SF3B4: variants seen among roughly 807,000 people sequenced by gnomAD.
SF3B4 encodes the protein SAP 49.
SF3B4 carries 3 observed loss-of-function variants against 34.3 expected under a neutral mutation model. The ratio of observed to expected loss-of-function variants is 0.09; its 90% CI spans 0.04 to 0.23. The LOEUF (loss-of-function observed/expected upper bound fraction) is 0.23. Ranked by LOEUF, SF3B4 falls within the 10% of genes least tolerant of loss-of-function variation. SF3B4 has a pLI of 1.00. For missense variants in SF3B4, 283 were observed against 567.2 expected (o/e 0.50, Z 5.09); for synonymous variants, 216 against 207.8 (o/e 1.04, Z -0.34).
At position 149,926,163 on chromosome 1, in the gene SF3B4, T is replaced by C; in HGVS notation, c.707-121A>G. On this transcript the variant is annotated intron_variant, in intron 3 of 5. Coordinates refer to ENST00000271628, the MANE Select transcript of SF3B4 (RefSeq NM_005850.5). The surrounding 1 kb of genome is among the most constrained non-coding windows in gnomAD (Gnocchi z 6.2). ...CTCTTTCCCCCTCCTCCCAGTGCTC[T>C]AAAATCAAAAGCAATGTTAGAAAAG... The C allele has an allele frequency of 4.3e-6, 3 of 699,726 alleles. No individual in the cohort carries two copies. The East Asian group carries it at 8.3e-5, about 19-fold the overall frequency. 43.3% of individuals were successfully genotyped at this position (699,726 alleles called of 1,614,324 possible).
Position 149,923,386 on chromosome 1 carries a change from T to C in SF3B4, c.*156A>G, listed in dbSNP as rs2092567157. The C allele has an allele frequency of 5.2e-6, 3 of 582,172 alleles. No homozygotes were observed. Among genetic ancestry groups the C allele is most frequent in the Non-Finnish European group, 9.0e-6 (3 of 334,856 alleles). The allele number at this position is 582,172 out of a possible 1,614,324, so 36.1% of individuals were successfully genotyped here. On this transcript the variant is annotated 3_prime_UTR_variant, in exon 6 of 6. Transcript: ENST00000271628. The stretch of plus-strand genomic sequence containing the variant: ...ACTCAGGACCAACATAAAAAAGAAA[T>C]ACCTCCTGTGGAAAAAGTTACATTA...
At position 149,927,135 on chromosome 1, in the gene SF3B4, G is replaced by A. The variant is rs1553766139; in HGVS notation, c.163+31C>T. The A allele has an allele frequency of 3.7e-6, 6 of 1,611,070 alleles. No homozygotes were observed. In the Admixed American group the frequency reaches 5.0e-5, roughly 13 times the overall value. On this transcript the variant is annotated intron_variant, in intron 2 of 5. Coordinates refer to ENST00000271628, the MANE Select transcript of SF3B4 (RefSeq NM_005850.5). Reference sequence around the variant, plus strand: ...GTTGTGAATACTGCTGGGACCCTCCGGGAGCAATTCGCCCCTTGTCATGTA... The same window carrying A: ...GTTGTGAATACTGCTGGGACCCTCCAGGAGCAATTCGCCCCTTGTCATGTA...
In SF3B4 at chr1:149,926,815, T is replaced by C; in HGVS notation, c.267A>G (p.Ala89=). The C allele has an allele frequency of 6.2e-7, 1 of 1,614,166 alleles. No homozygotes were observed. The part of the protein sequence containing the change: ...LYGKPIRVNK[A]SAHNKNLDVG... ...CATCCAGGTTTTTGTTGTGAGCTGATGCTTTGTTCACCCGTATTGGCTTCC... is the reference window on the plus strand; with the variant it reads ...CATCCAGGTTTTTGTTGTGAGCTGACGCTTTGTTCACCCGTATTGGCTTCC... The change falls in exon 3 of 6, where the codon GCA becomes GCG. Residue 89 remains alanine (A), a synonymous_variant. Coordinates refer to ENST00000271628, the MANE Select transcript of SF3B4 (RefSeq NM_005850.5). The surrounding 1 kb of genome is among the most constrained non-coding windows in gnomAD (Gnocchi z 6.2).
At chr1:149,927,120 C>T (rs200302531) in intron 2 of SF3B4, 46 bp downstream of exon 2, 3 of 1,607,780 alleles carry the variant, frequency 1.9e-6, no homozygotes, top group Non-Finnish European at 8.5e-7. Context: ...GTTGTGAATA[C>T]TGCTGGGACC....
chr1:149,925,857 G>C lies in SF3B4; in HGVS notation c.892C>G (p.Pro298Ala). 6.2e-7 allele frequency: 1 copy of C among 1,613,548 alleles called. No individual in the cohort carries two copies. Among genetic ancestry groups the C allele is most frequent in the Non-Finnish European group, 8.5e-7 (1 of 1,179,572 alleles). The change falls in exon 4 of 6, where the codon CCG becomes GCG. Residue 298 changes from proline (P) to alanine (A), a missense_variant. This residue lies in a region of SF3B4 where 208 missense variants were observed against 292.6 expected (regional missense o/e 0.71). Transcript: ENST00000271628. ...CTACCTGGATGGGGCATCCCACCCG[G>C]TGGGAATGGGTGAGGATGTGAGTGT... is the stretch of plus-strand genomic sequence containing the variant. ...HGHSHPHPFP[P>A]GGMPHPGMSQ...
rs782749826 is a variant in SF3B4 at position 149,926,942 on chromosome 1, T to A, written c.164-24A>T. On this transcript the variant is annotated intron_variant, in intron 2 of 5. Transcript: ENST00000271628. The surrounding 1 kb of genome is among the most constrained non-coding windows in gnomAD (Gnocchi z 6.2). ...GCCTGGAAAAGTGGAGAAGAGGAGG[T>A]TAACAACGTAAGTAAAGAGACTGAA... 3 of 1,575,492 alleles carry A rather than the reference T, an allele frequency of 1.9e-6. No individual in the cohort carries two copies. Among genetic ancestry groups the A allele is most frequent in the Non-Finnish European group, 1.7e-6 (2 of 1,162,512 alleles).
At position 149,926,563 on chromosome 1, in the gene SF3B4, G is replaced by C. The variant is rs143105666; in HGVS notation, c.519C>G (p.Thr173=). The C allele has an allele frequency of 1.9e-4, 299 of 1,614,200 alleles. No homozygotes were observed. Among genetic ancestry groups the C allele is most frequent in the Middle Eastern group, 1.8e-3 (11 of 6,062 alleles). ...NGQYLCNRPI[T]VSYAFKKDSK... is the part of the protein sequence containing the mutation. ...AGTCCTTCTTGAAGGCATAAGATACGGTGATAGGACGGTTACAGAGGTACT... is the reference window on the plus strand; with the variant it reads ...AGTCCTTCTTGAAGGCATAAGATACCGTGATAGGACGGTTACAGAGGTACT... Residue 173 remains threonine (T), a synonymous_variant, in exon 3 of 6, where the codon ACC becomes ACG. Coordinates refer to ENST00000271628, the MANE Select transcript of SF3B4 (RefSeq NM_005850.5). This position sits in a 1 kb window ranked among gnomAD's most constrained non-coding sequence, Gnocchi z 6.2.
At position 149,926,242 on chromosome 1, in the gene SF3B4, C is replaced by A. The variant is rs1169377319; in HGVS notation, c.706+134G>T. 16 of 827,052 alleles carry A rather than the reference C, an allele frequency of 1.9e-5. No homozygotes were observed. The highest frequency in any genetic ancestry group is 2.6e-5 in the Non-Finnish European group (14 of 532,642). The allele number at this position is 827,052 out of a possible 1,614,324, so 51.2% of individuals were successfully genotyped here. A position where few individuals can be genotyped will look rare whatever the true frequency, so the allele number is the denominator to read the frequency against. ...CCAACAACTTTCTTCTTCACCACTA[C>A]CATCACCCCTCAGTCCTCTTCCCAT... On this transcript the variant is annotated intron_variant, in intron 3 of 5. Coordinates refer to ENST00000271628, the MANE Select transcript of SF3B4 (RefSeq NM_005850.5). The surrounding 1 kb of genome is among the most constrained non-coding windows in gnomAD (Gnocchi z 6.2).
chr1:149,927,692 C>T, intron 1 of SF3B4, 34 bp downstream of exon 1: 2 of 1,551,738 alleles, frequency 1.3e-6, no homozygotes, highest in African/African-American at 1.4e-5. Context: ...CCTAGCCACG[C>T]TGAGCCCATT....
chr1:149,926,074 TG>T lies in SF3B4; in HGVS notation c.707-33del. The T allele has an allele frequency of 9.0e-7, 1 of 1,114,936 alleles. No homozygotes were observed. The highest frequency in any genetic ancestry group is 1.3e-6 in the Non-Finnish European group (1 of 779,560). The allele number at this position is 1,114,936 out of a possible 1,614,324, so 69.1% of individuals were successfully genotyped here. A position where few individuals can be genotyped will look rare whatever the true frequency, so the allele number is the denominator to read the frequency against. The stretch of plus-strand genomic sequence containing the variant: ...AGGAAATGGAAAAAGGAAGAGTTAA[TG>T]GTAGTGAGGAGAAAATGTCTTTAAA... On this transcript the variant is annotated intron_variant, in intron 3 of 5. Coordinates refer to ENST00000271628, the MANE Select transcript of SF3B4 (RefSeq NM_005850.5). The surrounding 1 kb of genome is among the most constrained non-coding windows in gnomAD (Gnocchi z 6.2).
At position 149,923,459 on chromosome 1, in the gene SF3B4, C is replaced by G. The variant is rs371129709; in HGVS notation, c.*83G>C. 1.1e-5 allele frequency: 13 copies of G among 1,132,962 alleles called. No homozygotes were observed. The allele number at this position is 1,132,962 out of a possible 1,614,324, so 70.2% of individuals were successfully genotyped here. The stretch of plus-strand genomic sequence containing the variant: ...GCTGAAAGGGATTAGTACCTTTGCC[C>G]CAAGGAGCTACAGCATCTCTGATTG... On this transcript the variant is annotated 3_prime_UTR_variant, in exon 6 of 6. Transcript: ENST00000271628.
At chr1:149,925,732 A>G in intron 4 of SF3B4, 104 bp downstream of exon 4, 1 of 856,310 alleles carries the variant, frequency 1.2e-6, no homozygotes, top group South Asian at 1.4e-5. Context: ...AGGAAAGGAA[A>G]ACTCTGAAAC....
At position 149,926,617 on chromosome 1, in the gene SF3B4, C is replaced by T. The variant is rs1008116925; in HGVS notation, c.465G>A (p.Ser155=). The T allele has an allele frequency of 1.4e-5, 22 of 1,614,002 alleles. No individual in the cohort carries two copies. The highest frequency in any genetic ancestry group is 9.3e-5 in the African/African-American group (7 of 74,892). The change falls in exon 3 of 6, where the codon TCG becomes TCA. Residue 155 remains serine (S), a synonymous_variant. Transcript: ENST00000271628. The surrounding 1 kb of genome is among the most constrained non-coding windows in gnomAD (Gnocchi z 6.2). ...CATTCATGGCTTCAATTGCTGCATC[C>T]GAAGCATCAAATGAAGCAAAATTAA... ...AFINFASFDA[S]DAAIEAMNGQ... is the part of the protein sequence containing the mutation.
chr1:149,926,337 C>G lies in SF3B4; in HGVS notation c.706+39G>C, dbSNP rs986345417. On this transcript the variant is annotated intron_variant, in intron 3 of 5. Coordinates refer to ENST00000271628, the MANE Select transcript of SF3B4 (RefSeq NM_005850.5). The surrounding 1 kb of genome is among the most constrained non-coding windows in gnomAD (Gnocchi z 6.2). ...TTCTTCTTCCTCCTGACCCTCTCCC[C>G]CAACCTTAAGACAAACATATTTTAA... 7.7e-6 allele frequency: 12 copies of G among 1,549,172 alleles called. No homozygotes were observed. Among genetic ancestry groups the G allele is most frequent in the Admixed American group, 3.7e-5 (2 of 53,510 alleles).
At chr1:149,927,003 G>T in intron 2 of SF3B4, 85 bp from the exon 3 acceptor site, 1 of 1,459,502 alleles carries the variant, frequency 6.9e-7, no homozygotes, top group Non-Finnish European at 9.2e-7. Flanking sequence ...TAATCACAAA[G>T]AACAAGAAAG....
rs781952306 is a variant in SF3B4, at chr1:149,926,938, G to A, written c.164-20C>T. 9 of 1,581,818 alleles carry A rather than the reference G, an allele frequency of 5.7e-6. No homozygotes were observed. Among genetic ancestry groups the A allele is most frequent in the African/African-American group, 2.7e-5 (2 of 73,292 alleles). ...CATAGCCTGGAAAAGTGGAGAAGAG[G>A]AGGTTAACAACGTAAGTAAAGAGAC... On this transcript the variant is annotated intron_variant, in intron 2 of 5. Coordinates refer to ENST00000271628, the MANE Select transcript of SF3B4 (RefSeq NM_005850.5). This position sits in a 1 kb window ranked among gnomAD's most constrained non-coding sequence, Gnocchi z 6.2.
At chr1:149,927,389 G>A in intron 1 of SF3B4, 95 bp from the exon 2 acceptor site, 1 of 1,494,600 alleles carries the variant, frequency 6.7e-7, no homozygotes, top group South Asian at 1.2e-5. Flanking sequence ...CAGGGGAACT[G>A]GGGACCGCGG....
intron 1 of SF3B4, 98 bp from the exon 2 acceptor site, chr1:149,927,392 G>C: frequency 2.0e-6 from 3 of 1,472,272 alleles, no homozygotes; most frequent in Non-Finnish European, 2.8e-6. Flanking sequence ...GGGAACTGGG[G>C]ACCGCGGTAG....
chr1:149,926,297 CCT>C lies in SF3B4; in HGVS notation c.706+77_706+78del. ...TCACTGACTCAATGTCCCCTGTCCCCCTTTCAGACTTGTTTTCTTCTTCCTCC... is the reference window on the plus strand; with the variant it reads ...TCACTGACTCAATGTCCCCTGTCCCCTTCAGACTTGTTTTCTTCTTCCTCC... On this transcript the variant is annotated intron_variant, in intron 3 of 5. Coordinates refer to ENST00000271628, the MANE Select transcript of SF3B4 (RefSeq NM_005850.5). This position sits in a 1 kb window ranked among gnomAD's most constrained non-coding sequence, Gnocchi z 6.2. 1 of 1,286,968 alleles carries C rather than the reference CCT, an allele frequency of 7.8e-7. No homozygotes were observed. Among genetic ancestry groups the C allele is most frequent in the Non-Finnish European group, 1.1e-6 (1 of 923,988 alleles). 79.7% of individuals were successfully genotyped at this position (1,286,968 alleles called of 1,614,324 possible).
Sources: allele counts gnomAD v4.1 joint callset, GRCh38; gene constraint gnomAD v4.1.1; regional missense constraint gnomAD v4.1.1; non-coding constraint Gnocchi (gnomAD v3.1); transcripts MANE v1.5; gene names NCBI Gene and HGNC (gene_info 2026-07-23, HGNC 2026-07-21).